GPSM1: variants seen among roughly 807,000 people sequenced by gnomAD.
The protein encoded by GPSM1 is G protein-signaling modulator 1.
GPSM1 carries 48 observed loss-of-function variants against 70.5 expected under a neutral mutation model. The observed-to-expected ratio is 0.68, with a 90% CI of 0.54 to 0.87. GPSM1 has a LOEUF of 0.87. Among genes scored for constraint, GPSM1 ranks in the 40% least tolerant of loss-of-function variants. GPSM1 has a pLI of 0.00. For missense variants in GPSM1, 981 were observed against 972.6 expected (o/e 1.01, Z -0.11); for synonymous variants, 416 against 430.1 (o/e 0.97, Z 0.41).
intron 3 of GPSM1, among the ~76,000 whole-genome samples, chr9:136,336,675 T>A (rs1372177503): frequency 6.6e-6 from 1 of 152,164 alleles, no homozygotes; most frequent in Non-Finnish European, 1.5e-5. Flanking sequence ...AGGACAGAGC[T>A]GAGGACCTGG....
At chr9:136,350,907 G>A (rs1271083140) in intron 11 of GPSM1, among the ~76,000 whole-genome samples, 3 of 152,152 alleles carry the variant, frequency 2.0e-5, no homozygotes, top group Admixed American at 6.5e-5. Context: ...GGTTGGTGGG[G>A]GGACAGGTGA....
Position 136,337,835 on chromosome 9 carries a change from T to G in GPSM1, c.703-11T>G. The G allele has an allele frequency of 6.3e-7, 1 of 1,597,036 alleles. No individual in the cohort carries two copies. The highest frequency in any genetic ancestry group is 8.6e-7 in the Non-Finnish European group (1 of 1,165,892). On this transcript the variant is annotated splice_polypyrimidine_tract_variant and intron_variant, in intron 5 of 13. Transcript: ENST00000440944. ...CGCCATGACCACCTGGCCTCCGGTG[T>G]GTCTCCGCAGCGCCTGGCCATTGCT...
chr9:136,358,437 C>T lies in GPSM1; in HGVS notation c.*217C>T, dbSNP rs994445212. 4 of 569,836 alleles carry T rather than the reference C, an allele frequency of 7.0e-6. No homozygotes were observed. The highest frequency in any genetic ancestry group is 4.0e-5 in the African/African-American group (2 of 50,218). The allele number at this position is 569,836 out of a possible 1,614,324, so 35.3% of individuals were successfully genotyped here. A position where few individuals can be genotyped will look rare whatever the true frequency, so the allele number is the denominator to read the frequency against. On this transcript the variant is annotated 3_prime_UTR_variant, in exon 14 of 14. Coordinates refer to ENST00000440944, the MANE Select transcript of GPSM1 (RefSeq NM_001145638.3). ...GCCCCCATGGCCCTCAGCTTCCTCCCTTCTGCCCCTGCCGCAGGCCGGACG... is the reference window on the plus strand; with the variant it reads ...GCCCCCATGGCCCTCAGCTTCCTCCTTTCTGCCCCTGCCGCAGGCCGGACG...
chr9:136,340,423 A>G lies in GPSM1; in HGVS notation c.1084-447A>G, dbSNP rs528083039. ...AGCCTCCAGGGCCTTCCAGGGCTCC[A>G]TGTGGCCCTCCCCCCAACCCCATGC... On this transcript the variant is annotated intron_variant, in intron 8 of 13. Transcript: ENST00000440944. This position sits in a 1 kb window ranked among gnomAD's most constrained non-coding sequence, Gnocchi z 7.3. Among the ~76,000 whole-genome samples, 3 of 151,890 alleles carry G rather than the reference A, an allele frequency of 2.0e-5. No homozygotes were observed. The highest frequency in any genetic ancestry group is 7.2e-5 in the African/African-American group (3 of 41,390).
Position 136,343,786 on chromosome 9 carries a change from G to C in GPSM1, c.1207+2793G>C, listed in dbSNP as rs577585205. Among the ~76,000 whole-genome samples the C allele has an allele frequency of 6.6e-6, 1 of 152,210 alleles. No individual in the cohort carries two copies. Among genetic ancestry groups the C allele is most frequent in the African/African-American group, 2.4e-5 (1 of 41,456 alleles). On this transcript the variant is annotated intron_variant, in intron 9 of 13. Coordinates refer to ENST00000440944, the MANE Select transcript of GPSM1 (RefSeq NM_001145638.3). The surrounding 1 kb of genome is among the most constrained non-coding windows in gnomAD (Gnocchi z 6.0). The stretch of plus-strand genomic sequence containing the variant: ...CGTAAGCCTGTTGCGTTCGGGCCCT[G>C]GGTGGACGAGGCAGGTGTGGCTGCA...
chr9:136,331,859 C>T (rs1209386196), intron 1 of GPSM1: 5 of 396,154 alleles, frequency 1.3e-5, no homozygotes, highest in African/African-American at 8.2e-5. Context: ...CGAGCACCTG[C>T]TGGAGGACTG....
At chr9:136,335,837 G>C (rs1486630490) in intron 2 of GPSM1, 129 bp from the exon 3 acceptor site, 20 of 944,122 alleles carry the variant, frequency 2.1e-5, no homozygotes, top group Non-Finnish European at 2.8e-5. Context: ...CACCTCAGGG[G>C]TTGCAGGCTC....
chr9:136,341,828 T>C lies in GPSM1; in HGVS notation c.1207+835T>C. 1.0e-6 allele frequency: 1 copy of C among 958,894 alleles called. No individual in the cohort carries two copies. 59.4% of individuals were successfully genotyped at this position (958,894 alleles called of 1,614,324 possible). On this transcript the variant is annotated intron_variant, in intron 9 of 13. Transcript: ENST00000440944. This position sits in a 1 kb window ranked among gnomAD's most constrained non-coding sequence, Gnocchi z 6.7. ...TATCTTATTTTTAATAATTAAATGTTTTTATAGAGATAGGGCCTCACTATG... is the reference window on the plus strand; with the variant it reads ...TATCTTATTTTTAATAATTAAATGTCTTTATAGAGATAGGGCCTCACTATG...
At chr9:136,335,892 A>G in intron 2 of GPSM1, 74 bp from the exon 3 acceptor site, 2 of 1,484,958 alleles carry the variant, frequency 1.3e-6, no homozygotes, top group South Asian at 2.4e-5. Context: ...ACCCCACCCC[A>G]TGCTCAGCCT....
At chr9:136,345,443 G>T (rs949846683) in intron 9 of GPSM1, among the ~76,000 whole-genome samples, 1 of 152,162 alleles carries the variant, frequency 6.6e-6, no homozygotes, top group African/African-American at 2.4e-5. Flanking sequence ...TGAGCCAGGC[G>T]CAGCGGGCCT....
Position 136,358,953 on chromosome 9 carries a change from G to A in GPSM1, c.*733G>A, listed in dbSNP as rs1832922136. The stretch of plus-strand genomic sequence containing the variant: ...GAAAAAGGGCAGGGCCTGGTCCTAG[G>A]GATGCTTACTGGCAGCAAGAGCAGT... On this transcript the variant is annotated 3_prime_UTR_variant, in exon 14 of 14. Coordinates refer to ENST00000440944, the MANE Select transcript of GPSM1 (RefSeq NM_001145638.3). 1 of 152,436 alleles carries A rather than the reference G, an allele frequency of 6.6e-6. No individual in the cohort carries two copies. Among genetic ancestry groups the A allele is most frequent in the African/African-American group, 2.4e-5 (1 of 41,452 alleles). The allele number at this position is 152,436 out of a possible 1,614,324, so 9.4% of individuals were successfully genotyped here. A position where few individuals can be genotyped will look rare whatever the true frequency, so the allele number is the denominator to read the frequency against.
In GPSM1 at chr9:136,352,169, A is replaced by G. The variant is rs1243611945; in HGVS notation, c.1455+2406A>G. Reference sequence around the variant, plus strand: ...TGCGCCGTTGCTGTTGGTGACACCAATGCTGCGCCGTTGCTGTTGGTGACA... The same window carrying G: ...TGCGCCGTTGCTGTTGGTGACACCAGTGCTGCGCCGTTGCTGTTGGTGACA... On this transcript the variant is annotated intron_variant, in intron 11 of 13. Transcript: ENST00000440944. 1.0e-4 allele frequency among the ~76,000 whole-genome samples: 4 copies of G among 38,750 alleles called. 1 individual carries two copies. Among genetic ancestry groups the G allele is most frequent in the Admixed American group, 2.4e-4 (1 of 4,250 alleles). The allele number at this position is 38,750 out of a possible 152,430, so 25.4% of individuals were successfully genotyped here.
At chr9:136,338,031 C>G in intron 6 of GPSM1, 70 bp downstream of exon 6, 1 of 1,006,800 alleles carries the variant, frequency 9.9e-7, no homozygotes, top group Non-Finnish European at 1.5e-6. Context: ...CAAGGAAGTG[C>G]CCGCCCCAAG....
At chr9:136,353,346 G>A (rs1832722867) in intron 11 of GPSM1, among the ~76,000 whole-genome samples, 2 of 152,218 alleles carry the variant, frequency 1.3e-5, no homozygotes, top group African/African-American at 4.8e-5. Context: ...GAAGGAGGGA[G>A]CCAGGGCTTG....
At chr9:136,339,587 G>A (rs1228945540) in intron 7 of GPSM1, 120 bp from the exon 8 acceptor site, 6 of 677,738 alleles carry the variant, frequency 8.9e-6, no homozygotes, top group Non-Finnish European at 1.3e-5. Flanking sequence ...CTTGGGCCTG[G>A]GGGCCCCTGA....
At position 136,342,502 on chromosome 9, in the gene GPSM1, G is replaced by GA. The variant is rs146354198; in HGVS notation, c.1207+1509_1207+1510insA. Among the ~76,000 whole-genome samples the GA allele has an allele frequency of 0.026, 3,905 of 152,276 alleles. 178 individuals carry two copies. Among genetic ancestry groups the GA allele is most frequent in the African/African-American group, 0.086 (3,580 of 41,550 alleles). On this transcript the variant is annotated intron_variant, in intron 9 of 13. Transcript: ENST00000440944. This position sits in a 1 kb window ranked among gnomAD's most constrained non-coding sequence, Gnocchi z 5.5. ...CGGACGCCTCCTCCCCCAGGGCTGG[G>GA]GAAGGGTCCTCCTCCCCGCCCAGGG...
chr9:136,337,080 G>C lies in GPSM1; in HGVS notation c.578+8G>C. The C allele has an allele frequency of 1.3e-6, 2 of 1,548,678 alleles. No individual in the cohort carries two copies. Among genetic ancestry groups the C allele is most frequent in the Non-Finnish European group, 1.7e-6 (2 of 1,146,250 alleles). On this transcript the variant is annotated splice_region_variant and intron_variant, in intron 4 of 13. Transcript: ENST00000440944. ...GGCCTCCGAGTTCTACGAGTGAGTG[G>C]GGCAGGGCCAGCCCAGGGACCGGGG...
At chr9:136,339,683 G>A in intron 7 of GPSM1, 24 bp from the exon 8 acceptor site, 2 of 1,486,322 alleles carry the variant, frequency 1.3e-6, no homozygotes, top group South Asian at 1.2e-5. Context: ...GGGCGGGTAT[G>A]AATCTGGTCT....
At chr9:136,344,109 G>A (rs1832459422) in intron 9 of GPSM1, among the ~76,000 whole-genome samples, 1 of 151,128 alleles carries the variant, frequency 6.6e-6, no homozygotes, top group Non-Finnish European at 1.5e-5. Flanking sequence ...AGCTTTGGGA[G>A]AAAGAAAAGC....
Sources: gnomAD v4.1 joint callset for allele counts (sites outside exome capture counted in the v4.1 genomes callset) on GRCh38, gnomAD v4.1.1 for gene constraint, Gnocchi (gnomAD v3.1) non-coding constraint, MANE v1.5 for transcripts, NCBI Gene and HGNC (gene_info 2026-07-23, HGNC 2026-07-21) for gene names.